Variants in PCDHB7 observed in about 807,000 individuals in gnomAD.
PCDHB7 encodes protocadherin beta 7.
For synonymous variants in PCDHB7, 542 were observed against 463.1 expected, an observed-to-expected ratio of 1.17 and a Z score of -2.19; for missense variants, 1,148 against 1,011.6, an observed-to-expected ratio of 1.13 and a Z score of -1.83.
In PCDHB7 at chr5:141,176,320, A is replaced by G. The variant is rs1753380883; in HGVS notation, c.*1103A>G. Reference sequence around the variant, plus strand: ...GTTAGTTTTAAATGCATAATATCAAAGAGAATCATAGATGATCATTAAATT... The same window carrying G: ...GTTAGTTTTAAATGCATAATATCAAGGAGAATCATAGATGATCATTAAATT... On this transcript the variant is annotated 3_prime_UTR_variant, in exon 1 of 1. Coordinates refer to ENST00000231137, the MANE Select transcript of PCDHB7 (RefSeq NM_018940.4). 6.0e-6 allele frequency: 1 copy of G among 167,146 alleles called. No individual in the cohort carries two copies. Among genetic ancestry groups the G allele is most frequent in the Admixed American group, 6.5e-5 (1 of 15,298 alleles). 10.4% of individuals were successfully genotyped at this position (167,146 alleles called of 1,614,324 possible).
In PCDHB7 at chr5:141,173,642, A is replaced by G. The variant is rs1289961903; in HGVS notation, c.807A>G (p.Leu269=). The change falls in exon 1 of 1, where the codon TTA becomes TTG. Residue 269 remains leucine (L), a synonymous_variant. Coordinates refer to ENST00000231137, the MANE Select transcript of PCDHB7 (RefSeq NM_018940.4). ...SMVVSVSARD[L]DTGSNGEIAY... ...TTGTCTCCGTGTCAGCCAGAGATTTAGATACCGGAAGTAATGGGGAAATAG... is the reference window on the plus strand; with the variant it reads ...TTGTCTCCGTGTCAGCCAGAGATTTGGATACCGGAAGTAATGGGGAAATAG... 6.2e-7 allele frequency: 1 copy of G among 1,614,196 alleles called. No individual in the cohort carries two copies. The highest frequency in any genetic ancestry group is 1.1e-5 in the South Asian group (1 of 91,082).
In PCDHB7 at chr5:141,173,685, G is replaced by C. The variant is rs1185841250; in HGVS notation, c.850G>C (p.Ala284Pro). The C allele has an allele frequency of 5.0e-6, 8 of 1,614,078 alleles. No homozygotes were observed. Among genetic ancestry groups the C allele is most frequent in the Non-Finnish European group, 6.8e-6 (8 of 1,180,010 alleles). The part of the protein sequence containing the change: ...NGEIAYAFSY[A>P]TERILKTFQI... ...GGAAATAGCCTATGCATTTTCTTACGCCACTGAAAGAATTCTCAAAACGTT... is the reference window on the plus strand; with the variant it reads ...GGAAATAGCCTATGCATTTTCTTACCCCACTGAAAGAATTCTCAAAACGTT... Residue 284 changes from alanine to proline, a missense_variant, in exon 1 of 1, where the codon GCC becomes CCC. By Grantham distance (27) the Ala-to-Pro change is conservative (BLOSUM62 -1). Coordinates refer to ENST00000231137, the MANE Select transcript of PCDHB7 (RefSeq NM_018940.4).
chr5:141,174,401 G>A lies in PCDHB7; in HGVS notation c.1566G>A (p.Glu522=). The A allele has an allele frequency of 6.2e-7, 1 of 1,612,436 alleles. No homozygotes were observed. The highest frequency in any genetic ancestry group is 8.5e-7 in the Non-Finnish European group (1 of 1,179,818). The part of the protein sequence containing the change: ...HLFALRSLDY[E]ALQAFEFRVG... ...TTGCCCTCAGGTCCCTGGACTACGA[G>A]GCCCTGCAGGCGTTCGAGTTCCGCG... Residue 522 remains glutamate, a synonymous_variant, in exon 1 of 1, where the codon GAG becomes GAA. Coordinates refer to ENST00000231137, the MANE Select transcript of PCDHB7 (RefSeq NM_018940.4).
In PCDHB7 at chr5:141,173,050, T is replaced by C; in HGVS notation, c.215T>C (p.Met72Thr). ...ACTAGAATTGTTTCAGACCAGAACA[T>C]GCAAATTTTACTGCTCAGTTCGCTT... The part of the protein sequence containing the change: ...RGTRIVSDQN[M>T]QILLLSSLTG... The change falls in exon 1 of 1, where the codon ATG becomes ACG. Residue 72 changes from methionine to threonine, a missense_variant. Met to Thr is a moderately conservative substitution (Grantham distance 81). Coordinates refer to ENST00000231137, the MANE Select transcript of PCDHB7 (RefSeq NM_018940.4). 5.0e-6 allele frequency: 8 copies of C among 1,614,170 alleles called. No homozygotes were observed. The highest frequency in any genetic ancestry group is 6.8e-6 in the Non-Finnish European group (8 of 1,180,032).
In PCDHB7 at chr5:141,175,454, A is replaced by C; in HGVS notation, c.*237A>C. ...ATTATGCTTAATATACAGTCTATTAAATGTAAGTCTTGTTTGAGATATTTT... is the reference window on the plus strand; with the variant it reads ...ATTATGCTTAATATACAGTCTATTACATGTAAGTCTTGTTTGAGATATTTT... On this transcript the variant is annotated 3_prime_UTR_variant, in exon 1 of 1. Transcript: ENST00000231137. The C allele has an allele frequency of 3.6e-6, 2 of 549,432 alleles. No homozygotes were observed. Among genetic ancestry groups the C allele is most frequent in the Non-Finnish European group, 6.1e-6 (2 of 326,600 alleles). 34.0% of individuals were successfully genotyped at this position (549,432 alleles called of 1,614,324 possible).
rs781840659 is a variant in PCDHB7, at chr5:141,174,823, T to G, written c.1988T>G (p.Val663Gly). The change falls in exon 1 of 1, where the codon GTG (valine) becomes GGG (glycine). Residue 663 changes from valine (V) to glycine (G), a missense_variant. Val to Gly is a moderately radical substitution (Grantham distance 109, BLOSUM62 -3). Transcript: ENST00000231137. ...SATATLHVLL[V>G]DGFSQPYLRL... ...ACCGCCACGCTGCACGTGCTCCTGG[T>G]GGACGGCTTCTCCCAGCCCTACCTG... is the stretch of plus-strand genomic sequence containing the variant. 2 of 1,612,276 alleles carry G rather than the reference T, an allele frequency of 1.2e-6. No individual in the cohort carries two copies. The highest frequency in any genetic ancestry group is 1.7e-6 in the Non-Finnish European group (2 of 1,179,774).
rs782317015 is a variant in PCDHB7 at position 141,175,238 on chromosome 5, C to T, written c.*21C>T. ...TCTGATAAAGAATGTAAACTAAATC[C>T]GCGTCTGTGAATACGTTTCTGATTA... On this transcript the variant is annotated 3_prime_UTR_variant, in exon 1 of 1. Coordinates refer to ENST00000231137, the MANE Select transcript of PCDHB7 (RefSeq NM_018940.4). 6 of 1,578,974 alleles carry T rather than the reference C, an allele frequency of 3.8e-6. No individual in the cohort carries two copies. The highest frequency in any genetic ancestry group is 5.2e-6 in the Non-Finnish European group (6 of 1,161,610).
chr5:141,174,252 G>C lies in PCDHB7; in HGVS notation c.1417G>C (p.Val473Leu), dbSNP rs150808781. 6.2e-5 allele frequency: 100 copies of C among 1,612,654 alleles called. No homozygotes were observed. The highest frequency in any genetic ancestry group is 8.1e-5 in the Non-Finnish European group (95 of 1,179,718). Residue 473 changes from valine to leucine, a missense_variant, in exon 1 of 1, where the codon GTC becomes CTC. Coordinates refer to ENST00000231137, the MANE Select transcript of PCDHB7 (RefSeq NM_018940.4). ...NNSPALPIGS[V>L]SATDRDSGTN... Reference sequence around the variant, plus strand: ...CAGCCCCGCCCTGCCCATCGGCAGTGTCAGCGCCACAGACAGAGACTCGGG... The same window carrying C: ...CAGCCCCGCCCTGCCCATCGGCAGTCTCAGCGCCACAGACAGAGACTCGGG...
rs782128830 is a variant in PCDHB7 at position 141,173,042 on chromosome 5, C to A, written c.207C>A (p.Asp69Glu). The change falls in exon 1 of 1, where the codon GAC (aspartate) becomes GAA (glutamate). Residue 69 changes from aspartate to glutamate, a missense_variant. Asp to Glu is a conservative substitution (Grantham distance 45, BLOSUM62 2). Coordinates refer to ENST00000231137, the MANE Select transcript of PCDHB7 (RefSeq NM_018940.4). ...CCCGGGGAACTAGAATTGTTTCAGA[C>A]CAGAACATGCAAATTTTACTGCTCA... Reference protein sequence around the residue: ...LRARGTRIVSDQNMQILLLSS... With the variant: ...LRARGTRIVSEQNMQILLLSS... The A allele has an allele frequency of 6.2e-7, 1 of 1,614,130 alleles. No individual in the cohort carries two copies. Among genetic ancestry groups the A allele is most frequent in the South Asian group, 1.1e-5 (1 of 91,076 alleles).
chr5:141,174,539 C>T lies in PCDHB7; in HGVS notation c.1704C>T (p.Ser568=), dbSNP rs547632318. 15 of 1,610,324 alleles carry T rather than the reference C, an allele frequency of 9.3e-6. No individual in the cohort carries two copies. The East Asian group carries it at 2.5e-4, about 26-fold the overall frequency. The change falls in exon 1 of 1, where the codon AGC becomes AGT. Residue 568 remains serine, a synonymous_variant. Coordinates refer to ENST00000231137, the MANE Select transcript of PCDHB7 (RefSeq NM_018940.4). ...SPFVLYPLQN[S]SAPCTEPLPR... is the part of the protein sequence containing the mutation. ...TCGTGCTGTACCCGCTGCAGAACAG[C>T]TCCGCGCCCTGCACCGAGCCGTTGC...
Position 141,174,444 on chromosome 5 carries a change from G to A in PCDHB7, c.1609G>A (p.Gly537Ser), listed in dbSNP as rs370593305. 1 of 1,611,766 alleles carries A rather than the reference G, an allele frequency of 6.2e-7. No individual in the cohort carries two copies. ...FEFRVGATDR[G>S]SPALSSEALV... ...GTTCCGCGTGGGCGCCACAGACCGC[G>A]GCTCCCCCGCGCTGAGCAGCGAGGC... is the stretch of plus-strand genomic sequence containing the variant. Residue 537 changes from glycine to serine, a missense_variant, in exon 1 of 1, where the codon GGC (glycine) becomes AGC (serine). By Grantham distance (56) the Gly-to-Ser change is moderately conservative. Transcript: ENST00000231137.
rs200611215 is a variant in PCDHB7, at chr5:141,173,654, T to A, written c.819T>A (p.Ser273Arg). ...CAGCCAGAGATTTAGATACCGGAAG[T>A]AATGGGGAAATAGCCTATGCATTTT... ...SVSARDLDTG[S>R]NGEIAYAFSY... The change falls in exon 1 of 1, where the codon AGT becomes AGA. Residue 273 changes from serine (S) to arginine (R), a missense_variant. Ser to Arg is a moderately radical substitution (Grantham distance 110, BLOSUM62 -1). Transcript: ENST00000231137. 1.9e-6 allele frequency: 3 copies of A among 1,614,150 alleles called. No individual in the cohort carries two copies. The highest frequency in any genetic ancestry group is 4.5e-5 in the East Asian group (2 of 44,888).
chr5:141,174,040 C>A lies in PCDHB7; in HGVS notation c.1205C>A (p.Thr402Asn). ...AAGCCATCTGTCGAAAACTTCTATACTCTGGTAACAGAGAAACCTTTGGAT... is the reference window on the plus strand; with the variant it reads ...AAGCCATCTGTCGAAAACTTCTATAATCTGGTAACAGAGAAACCTTTGGAT... ...ILKPSVENFY[T>N]LVTEKPLDRE... Residue 402 changes from threonine to asparagine, a missense_variant, in exon 1 of 1, where the codon ACT becomes AAT. Coordinates refer to ENST00000231137, the MANE Select transcript of PCDHB7 (RefSeq NM_018940.4). The A allele has an allele frequency of 6.2e-7, 1 of 1,614,078 alleles. No individual in the cohort carries two copies.
rs183414676 is a variant in PCDHB7 at position 141,172,830 on chromosome 5, A to G, written c.-6A>G. 351 of 1,603,782 alleles carry G rather than the reference A, an allele frequency of 2.2e-4. No homozygotes were observed. The African/African-American group carries it at 3.5e-3, about 16-fold the overall frequency. On this transcript the variant is annotated 5_prime_UTR_variant, in exon 1 of 1. Coordinates refer to ENST00000231137, the MANE Select transcript of PCDHB7 (RefSeq NM_018940.4). The stretch of plus-strand genomic sequence containing the variant: ...AAGTCATTTTGAAAGACTGATCCAA[A>G]GAAGAATGGAGGCCAGAGTGGAGCG...
rs782033793 is a variant in PCDHB7, at chr5:141,172,952, C to T, written c.117C>T (p.Thr39=). The change falls in exon 1 of 1, where the codon ACC becomes ACT. Residue 39 remains threonine (T), a synonymous_variant. Coordinates refer to ENST00000231137, the MANE Select transcript of PCDHB7 (RefSeq NM_018940.4). The part of the protein sequence containing the change: ...EPLRYFVAEE[T]ERGTFLTNLA... ...TTCGGTATTTTGTGGCGGAGGAAAC[C>T]GAGAGAGGCACCTTTCTTACCAACT... 3.1e-6 allele frequency: 5 copies of T among 1,614,114 alleles called. No individual in the cohort carries two copies. The highest frequency in any genetic ancestry group is 2.2e-5 in the South Asian group (2 of 91,080).
rs141127632 is a variant in PCDHB7, at chr5:141,173,510, C to G, written c.675C>G (p.Thr225=). 1.1e-3 allele frequency: 1,737 copies of G among 1,613,916 alleles called. 5 individuals are homozygous for G. The Middle Eastern group carries it at 0.016, about 15-fold the overall frequency. The change falls in exon 1 of 1, where the codon ACC becomes ACG. Residue 225 remains threonine (T), a synonymous_variant. Transcript: ENST00000231137. The stretch of plus-strand genomic sequence containing the variant: ...GCGGCTCTCCTCCAAGATCAGGGAC[C>G]GCCCTCGTGCGCATTCTGGTTCTAG... ...LDGGSPPRSG[T]ALVRILVLDV... is the part of the protein sequence containing the mutation.
At position 141,174,465 on chromosome 5, in the gene PCDHB7, G is replaced by C; in HGVS notation, c.1630G>C (p.Glu544Gln). 6.2e-7 allele frequency: 1 copy of C among 1,611,498 alleles called. No individual in the cohort carries two copies. Among genetic ancestry groups the C allele is most frequent in the Non-Finnish European group, 8.5e-7 (1 of 1,179,660 alleles). The change falls in exon 1 of 1, where the codon GAG (glutamate) becomes CAG (glutamine). Residue 544 changes from glutamate to glutamine, a missense_variant. Glu to Gln is a conservative substitution (Grantham distance 29). Transcript: ENST00000231137. ...CCGCGGCTCCCCCGCGCTGAGCAGC[G>C]AGGCGCTGGTGCGCGTGCTGGTGCT... is the stretch of plus-strand genomic sequence containing the variant. ...TDRGSPALSS[E>Q]ALVRVLVLDA...
In PCDHB7 at chr5:141,175,386, C is replaced by T. The variant is rs1407307267; in HGVS notation, c.*169C>T. ...TCCTGATTTAGTATCAAGAACCCTTCACAAAGCATGAAATGTATATGTGTA... is the reference window on the plus strand; with the variant it reads ...TCCTGATTTAGTATCAAGAACCCTTTACAAAGCATGAAATGTATATGTGTA... On this transcript the variant is annotated 3_prime_UTR_variant, in exon 1 of 1. Coordinates refer to ENST00000231137, the MANE Select transcript of PCDHB7 (RefSeq NM_018940.4). 12 of 803,302 alleles carry T rather than the reference C, an allele frequency of 1.5e-5. No homozygotes were observed. In the Admixed American group the frequency reaches 1.5e-4, roughly 10 times the overall value. The allele number at this position is 803,302 out of a possible 1,614,324, so 49.8% of individuals were successfully genotyped here. A position where few individuals can be genotyped will look rare whatever the true frequency, so the allele number is the denominator to read the frequency against.
chr5:141,174,349 C>T lies in PCDHB7; in HGVS notation c.1514C>T (p.Ser505Phe). 6.2e-7 allele frequency: 1 copy of T among 1,612,910 alleles called. No individual in the cohort carries two copies. Among genetic ancestry groups the T allele is most frequent in the Non-Finnish European group, 8.5e-7 (1 of 1,179,896 alleles). The change falls in exon 1 of 1, where the codon TCC (serine) becomes TTC (phenylalanine). Residue 505 changes from serine (S) to phenylalanine (F), a missense_variant. Coordinates refer to ENST00000231137, the MANE Select transcript of PCDHB7 (RefSeq NM_018940.4). ...DPHLPLASLV[S>F]INADNGHLFA... ...CACCTGCCCCTCGCCTCCCTGGTCT[C>T]CATCAACGCGGACAACGGCCACCTG...
Sources: gnomAD v4.1 joint callset for allele counts on GRCh38, gnomAD v4.1.1 for gene constraint, MANE v1.5 for transcripts, NCBI Gene and HGNC (gene_info 2026-07-23, HGNC 2026-07-21) for gene names.